The following LIMCH1 variants were observed in gnomAD, a reference collection of about 807,000 sequenced individuals.
LIMCH1 encodes the protein LIM and calponin homology domains-containing protein 1.
A neutral mutation model predicts 176.5 loss-of-function variants in LIMCH1; 113 were observed. That is an observed-to-expected ratio of 0.64 (90% CI 0.55 to 0.75). The LOEUF is 0.75. LIMCH1 is among the 30% of genes least tolerant of loss of function. LIMCH1 has a pLI of 0.00. For synonymous variants in LIMCH1, 619 were observed against 645.9 expected (o/e 0.96, Z 0.63); for missense variants, 1,674 against 1,814.9 (o/e 0.92, Z 1.41).
At chr4:41,687,721 G>T in intron 28 of LIMCH1, 119 bp from the exon 29 acceptor site, 8 of 576,926 alleles carry the variant, frequency 1.4e-5, no homozygotes, top group South Asian at 2.8e-5. Flanking sequence ...TGTGGTCTTT[G>T]ATTTGGTTGT....
intron 3 of LIMCH1, 138 bp downstream of exon 3, chr4:41,604,043 C>G (rs1296651228): frequency 1.1e-6 from 1 of 902,468 alleles, no homozygotes; most frequent in African/African-American, 1.7e-5. Flanking sequence ...AGTTAATGAC[C>G]ATGATAGAAA....
chr4:41,619,612 G>A, intron 6 of LIMCH1, 172 bp downstream of exon 6: 1 of 822,162 alleles, frequency 1.2e-6, no homozygotes, highest in Non-Finnish European at 1.9e-6. Flanking sequence ...GAAAATAGAA[G>A]CTTCGTGAGT....
chr4:41,699,917 T>C lies in LIMCH1; in HGVS notation c.*2732T>C, dbSNP rs1244410396. The stretch of plus-strand genomic sequence containing the variant: ...GGCCAGTGTTCTATATCGGTTATAC[T>C]AACTTTCATTTAAAGTATTTATTCT... On this transcript the variant is annotated 3_prime_UTR_variant, in exon 32 of 32. Coordinates refer to ENST00000503057, the MANE Select transcript of LIMCH1 (RefSeq NM_001330672.2). 1 of 152,236 alleles carries C rather than the reference T, an allele frequency of 6.6e-6. No individual in the cohort carries two copies. The highest frequency in any genetic ancestry group is 2.4e-5 in the African/African-American group (1 of 41,464). The allele number at this position is 152,236 out of a possible 1,614,324, so 9.4% of individuals were successfully genotyped here.
intron 1 of LIMCH1, among the ~76,000 whole-genome samples, chr4:41,546,603 C>G (rs757501333): frequency 6.6e-4 from 100 of 152,114 alleles, no homozygotes; most frequent in Non-Finnish European, 1.0e-3. Context: ...CTAAGTCTTT[C>G]AGATGCTTTA....
chr4:41,604,325 T>G, intron 3 of LIMCH1: 1 of 529,426 alleles, frequency 1.9e-6, no homozygotes, highest in Non-Finnish European at 2.4e-6. Context: ...CTATACTCTA[T>G]GTATTTTGTT....
chr4:41,431,206 T>C (rs2061580473), intron 1 of LIMCH1, among the ~76,000 whole-genome samples: 1 of 152,232 alleles, frequency 6.6e-6, no homozygotes, highest in African/African-American at 2.4e-5. Context: ...GTTTCCCTTC[T>C]TCTCTGCAAA....
intron 18 of LIMCH1, 143 bp from the exon 19 acceptor site, chr4:41,661,277 C>A (rs2152977974): frequency 1.6e-6 from 1 of 642,674 alleles, no homozygotes; most frequent in Non-Finnish European, 2.8e-6. Flanking sequence ...TCCAGGCTCT[C>A]GCCATGAAGC....
intron 7 of LIMCH1, among the ~76,000 whole-genome samples, chr4:41,622,192 A>G (rs1466104372): frequency 6.6e-6 from 1 of 152,156 alleles, no homozygotes; most frequent in African/African-American, 2.4e-5. Context: ...CAGAGACCTT[A>G]TCAAACACAT....
chr4:41,613,404 C>T, intron 4 of LIMCH1, 62 bp from the exon 5 acceptor site: 3 of 1,422,232 alleles, frequency 2.1e-6, no homozygotes, highest in Middle Eastern at 1.8e-4. Flanking sequence ...ACTGGAGACC[C>T]ATCTTCCTGA....
chr4:41,624,421 G>T (rs891754329), intron 7 of LIMCH1, among the ~76,000 whole-genome samples: 3 of 152,080 alleles, frequency 2.0e-5, no homozygotes, highest in East Asian at 3.9e-4. Flanking sequence ...CTTACCAAAC[G>T]CCGGTTCACC....
intron 14 of LIMCH1, 125 bp from the exon 15 acceptor site, chr4:41,644,375 G>C (rs576999781): frequency 8.0e-7 from 1 of 1,254,958 alleles, no homozygotes; most frequent in Non-Finnish European, 1.1e-6. Context: ...CGCGCTGTGC[G>C]CAGCCCGGGA....
At chr4:41,639,760 T>C (rs1274404562) in intron 14 of LIMCH1, among the ~76,000 whole-genome samples, 1 of 152,340 alleles carries the variant, frequency 6.6e-6, no homozygotes, top group African/African-American at 2.4e-5. Context: ...TCAAGTAATT[T>C]GTATTTGAAG....
At chr4:41,365,412 T>G (rs1234593163) in intron 1 of LIMCH1, among the ~76,000 whole-genome samples, 2 of 152,250 alleles carry the variant, frequency 1.3e-5, no homozygotes, top group East Asian at 3.8e-4. Context: ...GATGCTTGTG[T>G]TGTTTGGCAG....
At chr4:41,471,933 A>C (rs1240592125) in intron 1 of LIMCH1, among the ~76,000 whole-genome samples, 3 of 151,432 alleles carry the variant, frequency 2.0e-5, no homozygotes, top group Non-Finnish European at 4.4e-5. Flanking sequence ...GACTTGTTTC[A>C]CTTCTCTTGA....
intron 4 of LIMCH1, among the ~76,000 whole-genome samples, chr4:41,606,954 A>C (rs963993133): frequency 1.3e-5 from 2 of 152,100 alleles, no homozygotes; most frequent in South Asian, 4.1e-4. Context: ...AGCCACCACT[A>C]AGCCTGGCTA....
chr4:41,360,966 G>T lies in LIMCH1; in HGVS notation c.96+30G>T. The stretch of plus-strand genomic sequence containing the variant: ...GTGCGGGTGGCTGGCGGGCGGCCTT[G>T]CACTGGCGCCCTGAGCCACGGACCC... On this transcript the variant is annotated intron_variant, in intron 1 of 26. Transcript: ENST00000313860. The surrounding 1 kb of genome is among the most constrained non-coding windows in gnomAD (Gnocchi z 4.5). 1 of 1,518,792 alleles carries T rather than the reference G, an allele frequency of 6.6e-7. No homozygotes were observed. The allele number at this position is 1,518,792 out of a possible 1,614,324, so 94.1% of individuals were successfully genotyped here. A position where few individuals can be genotyped will look rare whatever the true frequency, so the allele number is the denominator to read the frequency against.
intron 1 of LIMCH1, among the ~76,000 whole-genome samples, chr4:41,407,084 G>A (rs1364997393): frequency 6.6e-6 from 1 of 152,096 alleles, no homozygotes; most frequent in Admixed American, 6.6e-5. Flanking sequence ...TCTGCCTGGA[G>A]CACAGCCTCA....
chr4:41,481,503 A>G (rs1247104781), intron 1 of LIMCH1, among the ~76,000 whole-genome samples: 1 of 152,194 alleles, frequency 6.6e-6, no homozygotes, highest in Non-Finnish European at 1.5e-5. Context: ...AAGAAAGGAC[A>G]TAGATGGATC....
chr4:41,407,567 G>A (rs1414542257), intron 1 of LIMCH1, among the ~76,000 whole-genome samples: 2 of 152,222 alleles, frequency 1.3e-5, no homozygotes, highest in Non-Finnish European at 2.9e-5. Context: ...GAGTCCTGGA[G>A]GGACTGGTCC....
Sources: gnomAD v4.1 joint callset for allele counts (sites outside exome capture counted in the v4.1 genomes callset) on GRCh38, gnomAD v4.1.1 for gene constraint, Gnocchi (gnomAD v3.1) non-coding constraint, MANE v1.5 for transcripts, NCBI Gene and HGNC (gene_info 2026-07-23, HGNC 2026-07-21) for gene names.